Variants in NCKAP5 observed in about 807,000 individuals in gnomAD.
NCKAP5 encodes the protein NCK associated protein 5.
NCKAP5 carries 92 observed loss-of-function variants against 167.0 expected under a neutral mutation model. That is an observed-to-expected ratio of 0.55 (90% CI 0.47 to 0.66). The LOEUF (loss-of-function observed/expected upper bound fraction) is 0.66. Among genes scored for constraint, NCKAP5 ranks in the 30% least tolerant of loss-of-function variants. NCKAP5 has a pLI of 0.00. For missense variants in NCKAP5, 2,378 were observed against 2,315.0 expected, an observed-to-expected ratio of 1.03 and a Z score of -0.56; for synonymous variants, 891 against 877.4, an observed-to-expected ratio of 1.02 and a Z score of -0.27.
At chr2:133,427,491 C>T (rs184554514) in intron 3 of NCKAP5, among the ~76,000 whole-genome samples, 27 of 152,112 alleles carry the variant, frequency 1.8e-4, no homozygotes, top group Admixed American at 1.2e-3. Context: ...TTTAATTTGT[C>T]CCAGAAAAGA....
chr2:132,683,201 G>A (rs13424058), intron 19 of NCKAP5, among the ~76,000 whole-genome samples: 4,233 of 152,028 alleles, frequency 0.028, 190 homozygotes, highest in African/African-American at 0.096. Flanking sequence ...ATAGATGGAC[G>A]AATATGCTAT....
chr2:133,421,939 G>A (rs975662214), intron 3 of NCKAP5, among the ~76,000 whole-genome samples: 1 of 152,196 alleles, frequency 6.6e-6, no homozygotes, highest in African/African-American at 2.4e-5. Flanking sequence ...TTTATCTAGT[G>A]CCTTCCACTC....
At chr2:132,948,271 G>C (rs960941093) in intron 8 of NCKAP5, among the ~76,000 whole-genome samples, 33 of 152,234 alleles carry the variant, frequency 2.2e-4, no homozygotes, top group Non-Finnish European at 3.4e-4. Context: ...TGGCTGGTTA[G>C]GGGGGGAAGC....
At chr2:133,506,644 A>G (rs1166793879) in intron 3 of NCKAP5, among the ~76,000 whole-genome samples, 1 of 152,142 alleles carries the variant, frequency 6.6e-6, no homozygotes, top group Admixed American at 6.5e-5. Flanking sequence ...TTATAGCCAC[A>G]TGGTTCTATA....
intron 4 of NCKAP5, among the ~76,000 whole-genome samples, chr2:133,228,928 A>G (rs2087016431): frequency 1.3e-5 from 2 of 152,254 alleles, no homozygotes; most frequent in Non-Finnish European, 2.9e-5. Flanking sequence ...TGAAATCAAC[A>G]ATAAAGTCAA....
At chr2:132,814,742 C>T (rs1341512078) in intron 11 of NCKAP5, among the ~76,000 whole-genome samples, 1 of 152,126 alleles carries the variant, frequency 6.6e-6, no homozygotes, top group Non-Finnish European at 1.5e-5. Flanking sequence ...TGTAACATCT[C>T]AGAGAAAAGT....
At chr2:132,994,741 C>T (rs565024050) in intron 6 of NCKAP5, among the ~76,000 whole-genome samples, 30 of 152,250 alleles carry the variant, frequency 2.0e-4, no homozygotes, top group African/African-American at 6.0e-4. Flanking sequence ...AACAGGAATA[C>T]GTTCTGAGAA....
intron 7 of NCKAP5, among the ~76,000 whole-genome samples, chr2:132,982,957 G>T (rs561983064): frequency 6.6e-6 from 1 of 152,136 alleles, no homozygotes; most frequent in African/African-American, 2.4e-5. Flanking sequence ...TTCATGAGAT[G>T]TCTTTCCAAT....
At chr2:133,173,450 TG>T (rs2149999814) in intron 5 of NCKAP5, among the ~76,000 whole-genome samples, 1 of 152,314 alleles carries the variant, frequency 6.6e-6, no homozygotes, top group Admixed American at 6.5e-5. Flanking sequence ...GCAAGAATCC[TG>T]CTAAGTCAGT....
At chr2:132,998,504 A>C (rs1271062838) in intron 6 of NCKAP5, among the ~76,000 whole-genome samples, 1 of 152,176 alleles carries the variant, frequency 6.6e-6, no homozygotes, top group Non-Finnish European at 1.5e-5. Context: ...GTAAAAAATC[A>C]AGTTGTCCTA....
At chr2:133,611,251 C>T in the NCKAP5 span, among the ~76,000 whole-genome samples, 8 of 151,280 alleles carry the variant, frequency 5.3e-5, no homozygotes, top group Non-Finnish European at 8.8e-5. Flanking sequence ...ACCACCCCCA[C>T]CCTCAACCTC....
At chr2:133,180,595 T>C (rs2150033087) in intron 5 of NCKAP5, among the ~76,000 whole-genome samples, 1 of 152,216 alleles carries the variant, frequency 6.6e-6, no homozygotes, top group African/African-American at 2.4e-5. Flanking sequence ...CGCCTTGGCC[T>C]CCCAAAGTGC....
chr2:133,256,608 A>G (rs1198426461), intron 4 of NCKAP5, among the ~76,000 whole-genome samples: 2 of 152,230 alleles, frequency 1.3e-5, no homozygotes, highest in African/African-American at 4.8e-5. Flanking sequence ...TAAATGTAAA[A>G]TATCTTCAGT....
chr2:133,173,815 T>C (rs147987164), intron 5 of NCKAP5, among the ~76,000 whole-genome samples: 340 of 152,310 alleles, frequency 2.2e-3, no homozygotes, highest in African/African-American at 8.0e-3. Context: ...TTTTTGCCAT[T>C]TAGTCATGGT....
intron 3 of NCKAP5, among the ~76,000 whole-genome samples, chr2:133,402,355 T>A (rs1688156614): frequency 6.6e-6 from 1 of 152,174 alleles, no homozygotes. Flanking sequence ...AAAGACAGGA[T>A]TTGGTAACTG....
intron 3 of NCKAP5, among the ~76,000 whole-genome samples, chr2:133,320,045 G>A (rs531764750): frequency 2.0e-4 from 31 of 152,222 alleles, no homozygotes; most frequent in Middle Eastern, 6.8e-3. Flanking sequence ...CAAGGGATGG[G>A]AGGGCTCTCT....
chr2:132,969,162 C>A (rs1040378329), intron 7 of NCKAP5, among the ~76,000 whole-genome samples: 1 of 152,084 alleles, frequency 6.6e-6, no homozygotes, highest in African/African-American at 2.4e-5. Context: ...CTCAGCCTCC[C>A]GAGTAGCTGG....
At chr2:133,343,594 A>G (rs1327550860) in intron 3 of NCKAP5, among the ~76,000 whole-genome samples, 1 of 152,200 alleles carries the variant, frequency 6.6e-6, no homozygotes, top group Non-Finnish European at 1.5e-5. Context: ...TCATCCATCC[A>G]TGCATCCATC....
chr2:132,867,575 C>T (rs1690456656), intron 10 of NCKAP5, among the ~76,000 whole-genome samples: 1 of 152,054 alleles, frequency 6.6e-6, no homozygotes, highest in Admixed American at 6.6e-5. Flanking sequence ...GCTGTATGCC[C>T]TTTATCATCT....
Sources: allele counts gnomAD v4.1 joint callset (sites outside exome capture counted in the v4.1 genomes callset), GRCh38; gene constraint gnomAD v4.1.1; transcripts MANE v1.5; gene names NCBI Gene and HGNC (gene_info 2026-07-23, HGNC 2026-07-21).